IL1RAPL2: variants seen among roughly 807,000 people sequenced by gnomAD.
The protein encoded by IL1RAPL2 is interleukin 1 receptor accessory protein like 2, also known as X-linked interleukin-1 receptor accessory protein-like 2.
IL1RAPL2 carries 3 observed loss-of-function variants against 44.1 expected under a neutral mutation model. That is an observed-to-expected ratio of 0.07 (90% CI 0.03 to 0.18). IL1RAPL2 has a LOEUF of 0.18. IL1RAPL2 is among the 10% of genes least tolerant of loss of function. The pLI is 1.00. For synonymous variants in IL1RAPL2, 181 were observed against 178.8 expected (o/e 1.01, Z -0.10); for missense variants, 391 against 496.4 (o/e 0.79, Z 2.02).
At chrX:105,311,758 A>G (rs1300009071) in intron 5 of IL1RAPL2, among the ~76,000 whole-genome samples, 3 of 110,419 alleles carry the variant, frequency 2.7e-5, no homozygotes, top group African/African-American at 9.8e-5. Context: ...CAATGTTATA[A>G]TGTTTAAACT....
At chrX:105,250,596 A>C (rs1457547390) in intron 4 of IL1RAPL2, among the ~76,000 whole-genome samples, 9 of 111,209 alleles carry the variant, frequency 8.1e-5, no homozygotes, top group Non-Finnish European at 1.9e-5. Context: ...ATAGGACATA[A>C]AATATGATCC....
intron 5 of IL1RAPL2, among the ~76,000 whole-genome samples, chrX:105,400,532 G>T (rs1602394894): frequency 9.0e-6 from 1 of 111,044 alleles, no homozygotes; most frequent in East Asian, 2.8e-4. Context: ...ATTCACACTG[G>T]ATTCCCAAGA....
chrX:105,002,436 A>G (rs1258645178), intron 2 of IL1RAPL2, among the ~76,000 whole-genome samples: 2 of 111,324 alleles, frequency 1.8e-5, no homozygotes, highest in African/African-American at 3.3e-5. Context: ...CCTAAATAGC[A>G]CTTTTGGGAT....
At chrX:105,133,829 C>A in intron 2 of IL1RAPL2, among the ~76,000 whole-genome samples, 1 of 110,735 alleles carries the variant, frequency 9.0e-6, no homozygotes, top group Middle Eastern at 4.7e-3. Flanking sequence ...AATTTACCCT[C>A]ATGACCTAAT....
At chrX:105,170,865 T>C (rs1029424654) in intron 2 of IL1RAPL2, among the ~76,000 whole-genome samples, 2 of 111,798 alleles carry the variant, frequency 1.8e-5, no homozygotes, top group African/African-American at 6.5e-5. Context: ...TGAAGTAGGA[T>C]TCAGAAAAGT....
intron 2 of IL1RAPL2, among the ~76,000 whole-genome samples, chrX:104,964,543 C>A (rs1417624721): frequency 9.1e-6 from 1 of 109,746 alleles, no homozygotes; most frequent in Admixed American, 9.8e-5. Flanking sequence ...GATCTCCTGA[C>A]CTTGTGATCC....
intron 5 of IL1RAPL2, among the ~76,000 whole-genome samples, chrX:105,293,067 A>C (rs1437499131): frequency 3.1e-5 from 3 of 98,209 alleles, no homozygotes; most frequent in East Asian, 3.2e-4. Flanking sequence ...GCAGTAAGCC[A>C]AGATCATGCC....
chrX:105,122,794 A>G (rs1251029689), intron 2 of IL1RAPL2, among the ~76,000 whole-genome samples: 1 of 111,521 alleles, frequency 9.0e-6, no homozygotes, highest in Non-Finnish European at 1.9e-5. Flanking sequence ...TTAGCTTCAA[A>G]TGATGTGTTA....
chrX:104,869,338 T>C (rs1418330640), intron 2 of IL1RAPL2, among the ~76,000 whole-genome samples: 1 of 111,683 alleles, frequency 9.0e-6, no homozygotes, highest in Non-Finnish European at 1.9e-5. Context: ...ACCTTACTTA[T>C]CATTTTTTGT....
intron 3 of IL1RAPL2, among the ~76,000 whole-genome samples, chrX:105,220,906 CA>C (rs1199247451): frequency 9.0e-6 from 1 of 111,677 alleles, no homozygotes; most frequent in Non-Finnish European, 1.9e-5. Flanking sequence ...ATAATCAAGT[CA>C]AAAAAGTCCC....
chrX:105,156,575 C>T (rs1364417885), intron 2 of IL1RAPL2, among the ~76,000 whole-genome samples: 1 of 112,524 alleles, frequency 8.9e-6, no homozygotes, highest in Non-Finnish European at 1.9e-5. Context: ...TGTATTGGCA[C>T]AAATGACAGA....
intron 2 of IL1RAPL2, among the ~76,000 whole-genome samples, chrX:104,678,254 T>A (rs1186202835): frequency 8.9e-6 from 1 of 112,462 alleles, no homozygotes; most frequent in African/African-American, 3.2e-5. Flanking sequence ...GATCCCATAT[T>A]TAAACTTATG....
At chrX:104,650,091 G>A (rs143744329) in intron 1 of IL1RAPL2, among the ~76,000 whole-genome samples, 2,649 of 111,080 alleles carry the variant, frequency 0.024, 75 homozygotes, top group African/African-American at 0.08. Flanking sequence ...AATTCATTAC[G>A]TGGCCTTTTG....
intron 2 of IL1RAPL2, among the ~76,000 whole-genome samples, chrX:105,152,755 T>C (rs932643860): frequency 6.3e-5 from 7 of 111,937 alleles, no homozygotes; most frequent in African/African-American, 1.6e-4. Flanking sequence ...TATAACACCA[T>C]TATAGTGGGA....
chrX:105,289,102 C>T (rs1025473329), intron 5 of IL1RAPL2, among the ~76,000 whole-genome samples: 1 of 110,369 alleles, frequency 9.1e-6, no homozygotes, highest in African/African-American at 3.3e-5. Context: ...TTTTAACTTT[C>T]GTAAGTCAGT....
chrX:105,148,557 G>A (rs1412229488), intron 2 of IL1RAPL2, among the ~76,000 whole-genome samples: 1 of 111,576 alleles, frequency 9.0e-6, no homozygotes, highest in Non-Finnish European at 1.9e-5. Flanking sequence ...CAGGTGCAAG[G>A]GTGAGGAATA....
intron 7 of IL1RAPL2, among the ~76,000 whole-genome samples, chrX:105,721,273 G>A (rs1304415443): frequency 9.1e-6 from 1 of 110,259 alleles, no homozygotes; most frequent in Non-Finnish European, 1.9e-5. Flanking sequence ...AAAATTAGCT[G>A]GGCATGGTGG....
At position 104,811,436 on chromosome X, in the gene IL1RAPL2, T is replaced by A. The variant is rs1932977971; in HGVS notation, c.82+152441T>A. Among the ~76,000 whole-genome samples, 4 of 111,467 alleles carry A rather than the reference T, an allele frequency of 3.6e-5. No individual in the cohort carries two copies. The South Asian group carries it at 1.1e-3, about 31-fold the overall frequency. Reference sequence around the variant, plus strand: ...GGCATTGAGATAATTTCTTTTTTAATGTTTGCTATTGAATGGAAGGAGAAA... The same window carrying A: ...GGCATTGAGATAATTTCTTTTTTAAAGTTTGCTATTGAATGGAAGGAGAAA... On this transcript the variant is annotated intron_variant, in intron 2 of 10. Coordinates refer to ENST00000372582, the MANE Select transcript of IL1RAPL2 (RefSeq NM_017416.2).
At chrX:104,588,103 C>T (rs1928597896) in intron 1 of IL1RAPL2, among the ~76,000 whole-genome samples, 2 of 111,983 alleles carry the variant, frequency 1.8e-5, no homozygotes, top group Non-Finnish European at 3.8e-5. Context: ...GTATCACCTG[C>T]CTCTCTACTC....
Sources: allele counts gnomAD v4.1 joint callset (sites outside exome capture counted in the v4.1 genomes callset), GRCh38; gene constraint gnomAD v4.1.1; transcripts MANE v1.5; gene names NCBI Gene and HGNC (gene_info 2026-07-23, HGNC 2026-07-21).